Variants in GMCL1 observed in about 807,000 individuals in gnomAD.
GMCL1 encodes germ cell-less 1, spermatogenesis associated.
GMCL1 carries 54 observed loss-of-function variants against 75.5 expected under a neutral mutation model. The ratio of observed to expected loss-of-function variants is 0.71; its 90% CI spans 0.57 to 0.90. The LOEUF (loss-of-function observed/expected upper bound fraction) is 0.90, where lower values mean the gene tolerates loss of function less well. GMCL1 is among the 40% of genes least tolerant of loss of function. The pLI, the probability that GMCL1 is intolerant of heterozygous loss-of-function variation, is 0.00. For missense variants in GMCL1, 537 were observed against 622.7 expected (o/e 0.86, Z 1.47); for synonymous variants, 210 against 209.6 (o/e 1.00, Z -0.02).
Position 69,845,955 on chromosome 2 carries a change from A to ATT in GMCL1, c.759-1573_759-1572dup, listed in dbSNP as rs35362436. 7.0e-3 allele frequency among the ~76,000 whole-genome samples: 1,005 copies of ATT among 143,900 alleles called. 11 individuals are homozygous for ATT. The highest frequency in any genetic ancestry group is 0.023 in the African/African-American group (892 of 38,828). The allele number at this position is 143,900 out of a possible 152,430, so 94.4% of individuals were successfully genotyped here. A position where few individuals can be genotyped will look rare whatever the true frequency, so the allele number is the denominator to read the frequency against. On this transcript the variant is annotated intron_variant, in intron 6 of 13. Coordinates refer to ENST00000282570, the MANE Select transcript of GMCL1 (RefSeq NM_178439.5). ...GCTTCCCAGAATGTGAATTTTACTGATTTTTTTTTTTTTTTTGGTGGGGAG... is the reference window on the plus strand; with the variant it reads ...GCTTCCCAGAATGTGAATTTTACTGATTTTTTTTTTTTTTTTTTGGTGGGGAG...
rs575540764 is a variant in GMCL1 at position 69,865,050 on chromosome 2, A to G, written c.1218+75A>G. On this transcript the variant is annotated intron_variant, in intron 11 of 13. Coordinates refer to ENST00000282570, the MANE Select transcript of GMCL1 (RefSeq NM_178439.5). ...GCACATCCTGCACCTGTAAGTAGTA[A>G]TCATGACACCTGTCATACCTCAGAA... 29 of 1,063,718 alleles carry G rather than the reference A, an allele frequency of 2.7e-5. No individual in the cohort carries two copies. In the African/African-American group the frequency reaches 3.6e-4, roughly 13 times the overall value. 65.9% of individuals were successfully genotyped at this position (1,063,718 alleles called of 1,614,324 possible). A position where few individuals can be genotyped will look rare whatever the true frequency, so the allele number is the denominator to read the frequency against.
At chr2:69,836,837 T>C (rs1674831019) in intron 1 of GMCL1, among the ~76,000 whole-genome samples, 1 of 152,200 alleles carries the variant, frequency 6.6e-6, no homozygotes, top group Admixed American at 6.5e-5. Flanking sequence ...GTGATGCTGC[T>C]CTGGTTGAAG....
At chr2:69,833,051 A>G (rs928144860) in intron 1 of GMCL1, among the ~76,000 whole-genome samples, 1 of 152,162 alleles carries the variant, frequency 6.6e-6, no homozygotes, top group Non-Finnish European at 1.5e-5. Context: ...AGTTTGCTCA[A>G]GTGTGGTAAG....
intron 9 of GMCL1, 110 bp downstream of exon 9, chr2:69,855,070 G>A (rs1195850833): frequency 7.0e-6 from 6 of 854,716 alleles, no homozygotes; most frequent in South Asian, 3.7e-5. Flanking sequence ...ATCCCAAAAA[G>A]GTATACATCT....
chr2:69,838,993 C>T (rs1674902318), intron 2 of GMCL1, among the ~76,000 whole-genome samples: 2 of 152,288 alleles, frequency 1.3e-5, no homozygotes, highest in African/African-American at 4.8e-5. Flanking sequence ...CTAAAGACTT[C>T]ATTCTGTACC....
chr2:69,869,334 C>T (rs1465621023), intron 11 of GMCL1, among the ~76,000 whole-genome samples: 4 of 144,812 alleles, frequency 2.8e-5, no homozygotes, highest in Non-Finnish European at 6.0e-5. Context: ...AGGAGAATCG[C>T]TTGAACCCGG....
chr2:69,863,082 A>T (rs1675705981), intron 10 of GMCL1, among the ~76,000 whole-genome samples: 1 of 152,184 alleles, frequency 6.6e-6, no homozygotes, highest in African/African-American at 2.4e-5. Flanking sequence ...AAGTACAGTC[A>T]TTTTGGGGGA....
In GMCL1 at chr2:69,878,975, T is replaced by C; in HGVS notation, c.1519T>C (p.Leu507=). 6.2e-7 allele frequency: 1 copy of C among 1,604,430 alleles called. No homozygotes were observed. The change falls in exon 14 of 14, where the codon TTG becomes CTG. Residue 507 remains leucine, a synonymous_variant. Coordinates refer to ENST00000282570, the MANE Select transcript of GMCL1 (RefSeq NM_178439.5). ...CCCTTTATATATCTGCTGTAACTTCTTGTATATATCACCAGAAAAAAAGAA... is the reference window on the plus strand; with the variant it reads ...CCCTTTATATATCTGCTGTAACTTCCTGTATATATCACCAGAAAAAAAGAA... ...IFPLYICCNF[L]YISPEKKN
At chr2:69,837,445 A>G in intron 1 of GMCL1, 102 bp from the exon 2 acceptor site, 1 of 954,732 alleles carries the variant, frequency 1.0e-6, no homozygotes, top group Non-Finnish European at 1.5e-6. Context: ...AGTTGACTCT[A>G]TTTAATAGAA....
intron 11 of GMCL1, 111 bp downstream of exon 11, chr2:69,865,086 G>A: frequency 1.4e-6 from 1 of 733,236 alleles, no homozygotes; most frequent in Non-Finnish European, 2.3e-6. Flanking sequence ...GAGCTTGTTT[G>A]ATACACTTTC....
At chr2:69,856,304 C>T (rs545475724) in intron 9 of GMCL1, among the ~76,000 whole-genome samples, 1 of 152,232 alleles carries the variant, frequency 6.6e-6, no homozygotes, top group South Asian at 2.1e-4. Flanking sequence ...TAACGTTAAT[C>T]AAAGTTAGGC....
At chr2:69,858,205 G>A (rs1419697693) in intron 9 of GMCL1, among the ~76,000 whole-genome samples, 4 of 152,140 alleles carry the variant, frequency 2.6e-5, no homozygotes, top group Non-Finnish European at 4.4e-5. Flanking sequence ...GGTAGAGACA[G>A]AGTCTTGCCA....
At chr2:69,842,022 CAG>C (rs1675002675) in intron 4 of GMCL1, among the ~76,000 whole-genome samples, 3 of 152,106 alleles carry the variant, frequency 2.0e-5, no homozygotes, top group Non-Finnish European at 2.9e-5. Context: ...ATATTTTAAT[CAG>C]GGGAAAGACG....
At chr2:69,870,678 A>T (rs1395602327) in intron 12 of GMCL1, among the ~76,000 whole-genome samples, 1 of 152,206 alleles carries the variant, frequency 6.6e-6, no homozygotes, top group African/African-American at 2.4e-5. Flanking sequence ...AAGAAAACTC[A>T]ACTCAGCTCA....
At chr2:69,870,116 C>A (rs1675945240) in intron 12 of GMCL1, among the ~76,000 whole-genome samples, 1 of 149,632 alleles carries the variant, frequency 6.7e-6, no homozygotes, top group African/African-American at 2.5e-5. Context: ...AAGTCGTTGC[C>A]TTGTTGCTAT....
At chr2:69,833,887 AACG>A (rs1674743913) in intron 1 of GMCL1, among the ~76,000 whole-genome samples, 1 of 152,204 alleles carries the variant, frequency 6.6e-6, no homozygotes, top group African/African-American at 2.4e-5. Flanking sequence ...AAAAAATTGA[AACG>A]ACATTACATA....
chr2:69,847,432 T>C (rs368510010), intron 6 of GMCL1, 111 bp from the exon 7 acceptor site: 16 of 757,786 alleles, frequency 2.1e-5, no homozygotes, highest in Middle Eastern at 2.4e-4. Flanking sequence ...ACTGCTGTCA[T>C]TTTTAATTCC....
In GMCL1 at chr2:69,830,232, CG is replaced by C. The variant is rs3832157; in HGVS notation, c.260+84del. 49,895 of 1,469,768 alleles carry C rather than the reference CG, an allele frequency of 0.034. 8,334 individuals carry two copies. In the African/African-American group the frequency reaches 0.4, roughly 12 times the overall value. The allele number at this position is 1,469,768 out of a possible 1,614,324, so 91.0% of individuals were successfully genotyped here. A position where few individuals can be genotyped will look rare whatever the true frequency, so the allele number is the denominator to read the frequency against. ...GCCGAGCCGGCGCCTCGTGCGCTTG[CG>C]GGGTGCAGCGCTCCCCAGCCTATGG... is the stretch of plus-strand genomic sequence containing the variant. On this transcript the variant is annotated intron_variant, in intron 1 of 13. Transcript: ENST00000282570.
intron 13 of GMCL1, among the ~76,000 whole-genome samples, chr2:69,875,092 A>G (rs960886487): frequency 6.6e-6 from 1 of 152,082 alleles, no homozygotes; most frequent in Non-Finnish European, 1.5e-5. Context: ...AAAACAATCT[A>G]TCTTTTTCTT....
Sources: allele counts gnomAD v4.1 joint callset (sites outside exome capture counted in the v4.1 genomes callset), GRCh38; gene constraint gnomAD v4.1.1; transcripts MANE v1.5; gene names NCBI Gene and HGNC (gene_info 2026-07-23, HGNC 2026-07-21).